Variants in HERC6 observed in about 807,000 individuals in gnomAD.
HERC6 encodes probable E3 ubiquitin-protein ligase HERC6.
A neutral mutation model predicts 114.5 loss-of-function variants in HERC6; 101 were observed. That is an observed-to-expected ratio of 0.88 (90% CI 0.75 to 1.04). The LOEUF (loss-of-function observed/expected upper bound fraction) is 1.04, where lower values mean the gene tolerates loss of function less well. Ranked by LOEUF, HERC6 falls within the 50% of genes least tolerant of loss-of-function variation. The pLI is 0.00. For synonymous variants in HERC6, 408 were observed against 436.2 expected, an observed-to-expected ratio of 0.94 and a Z score of 0.81; for missense variants, 1,133 against 1,230.9, an observed-to-expected ratio of 0.92 and a Z score of 1.19.
chr4:88,429,176 A>G (rs1308540692), intron 16 of HERC6, among the ~76,000 whole-genome samples: 2 of 152,120 alleles, frequency 1.3e-5, no homozygotes, highest in Non-Finnish European at 2.9e-5. Context: ...TCTGCTTCCT[A>G]TGTCTTTCAT....
intron 15 of HERC6, among the ~76,000 whole-genome samples, chr4:88,425,754 T>C (rs1478086683): frequency 1.3e-5 from 2 of 152,104 alleles, no homozygotes; most frequent in African/African-American, 4.8e-5. Flanking sequence ...TAAGTATATA[T>C]AATGCCATCC....
rs1208118573 is a variant in HERC6, at chr4:88,390,583, T to C, written c.437-69T>C. ...AAAGCCACAAAAAAGATTTGTAGAA[T>C]TAGTAGTTTCTATTTGAATTTGGTA... On this transcript the variant is annotated intron_variant, in intron 3 of 22. Coordinates refer to ENST00000264346, the MANE Select transcript of HERC6 (RefSeq NM_017912.4). 3.0e-6 allele frequency: 4 copies of C among 1,326,532 alleles called. No homozygotes were observed. The African/African-American group carries it at 4.4e-5, about 15-fold the overall frequency. The allele number at this position is 1,326,532 out of a possible 1,614,324, so 82.2% of individuals were successfully genotyped here.
At chr4:88,401,135 C>A (rs971523767) in intron 8 of HERC6, among the ~76,000 whole-genome samples, 2 of 152,118 alleles carry the variant, frequency 1.3e-5, no homozygotes, top group Admixed American at 1.3e-4. Context: ...ATGCCTGTGA[C>A]AACTCTGAGA....
intron 9 of HERC6, 79 bp downstream of exon 9, chr4:88,405,076 T>C: frequency 6.5e-7 from 1 of 1,534,972 alleles, no homozygotes; most frequent in Non-Finnish European, 8.8e-7. Context: ...ATAGAGGTTT[T>C]GGTTTTGTTG....
intron 8 of HERC6, among the ~76,000 whole-genome samples, chr4:88,403,525 C>T (rs775238882): frequency 1.8e-4 from 27 of 152,246 alleles, no homozygotes; most frequent in Middle Eastern, 3.4e-3. Context: ...GAGGCCGAGG[C>T]GGGTGGATCA....
intron 15 of HERC6, among the ~76,000 whole-genome samples, chr4:88,426,555 C>G (rs761456250): frequency 6.6e-6 from 1 of 152,082 alleles, no homozygotes; most frequent in African/African-American, 2.4e-5. Context: ...TTTCTGCTCA[C>G]TGTAACCTTC....
At chr4:88,380,732 A>G (rs1397398358) in intron 1 of HERC6, among the ~76,000 whole-genome samples, 2 of 150,368 alleles carry the variant, frequency 1.3e-5, no homozygotes, top group Non-Finnish European at 3.0e-5. Flanking sequence ...CATAATAATA[A>G]TAAATATATA....
intron 17 of HERC6, among the ~76,000 whole-genome samples, chr4:88,432,624 G>A (rs1738345040): frequency 6.6e-6 from 1 of 152,046 alleles, no homozygotes; most frequent in Admixed American, 6.5e-5. Flanking sequence ...AGCTACTTGG[G>A]AGGCTGAGGC....
intron 3 of HERC6, among the ~76,000 whole-genome samples, chr4:88,389,627 A>T (rs1167075541): frequency 6.6e-6 from 1 of 152,008 alleles, no homozygotes; most frequent in Non-Finnish European, 1.5e-5. Context: ...AACTGGAGGG[A>T]GAAGAGTGGA....
chr4:88,403,129 TG>T (rs1396994448), intron 8 of HERC6, among the ~76,000 whole-genome samples: 1 of 152,196 alleles, frequency 6.6e-6, no homozygotes, highest in Non-Finnish European at 1.5e-5. Context: ...AACCCCTGTT[TG>T]GGCTATTTGG....
intron 5 of HERC6, among the ~76,000 whole-genome samples, chr4:88,394,210 C>T (rs1468998393): frequency 2.0e-5 from 3 of 152,106 alleles, no homozygotes; most frequent in African/African-American, 7.2e-5. Context: ...TGTGGTGGCT[C>T]ATGCCTATAA....
chr4:88,408,629 T>A lies in HERC6; in HGVS notation c.1368+12T>A. On this transcript the variant is annotated intron_variant, in intron 11 of 22. Coordinates refer to ENST00000264346, the MANE Select transcript of HERC6 (RefSeq NM_017912.4). ...GGATTTCTTCCATGGTAATAGCCAA[T>A]ACTTACTTTAGATATAGAACAAATA... The A allele has an allele frequency of 6.8e-7, 1 of 1,472,480 alleles. No homozygotes were observed. Among genetic ancestry groups the A allele is most frequent in the Non-Finnish European group, 9.4e-7 (1 of 1,069,356 alleles). 91.2% of individuals were successfully genotyped at this position (1,472,480 alleles called of 1,614,324 possible). A position where few individuals can be genotyped will look rare whatever the true frequency, so the allele number is the denominator to read the frequency against.
Position 88,404,921 on chromosome 4 carries a change from A to C in HERC6, c.1138A>C (p.Ser380Arg). Reference sequence around the variant, plus strand: ...TCCCGGGAAAACCCTGCCAGAAATAAGCCGAATTAGCCAGTCCATGGCAGA... The same window carrying C: ...TCCCGGGAAAACCCTGCCAGAAATACGCCGAATTAGCCAGTCCATGGCAGA... ...RAPGKTLPEI[S>R]RISQSMAEKW... Residue 380 changes from serine to arginine, a missense_variant, in exon 9 of 23, where the codon AGC becomes CGC. Physicochemically the swap from Ser to Arg is moderately radical, Grantham distance 110 (BLOSUM62 -1). This residue lies in a region of HERC6 where 735 missense variants were observed against 754.0 expected (regional missense o/e 0.97). Coordinates refer to ENST00000264346, the MANE Select transcript of HERC6 (RefSeq NM_017912.4). 1 of 1,613,924 alleles carries C rather than the reference A, an allele frequency of 6.2e-7. No homozygotes were observed. Among genetic ancestry groups the C allele is most frequent in the Non-Finnish European group, 8.5e-7 (1 of 1,179,792 alleles).
intron 8 of HERC6, chr4:88,398,413 A>G (rs961930039): frequency 2.7e-5 from 11 of 404,460 alleles, no homozygotes; most frequent in Admixed American, 8.9e-5. Flanking sequence ...CCCCCCCACC[A>G]CCACCATTTC....
rs996488754 is a variant in HERC6 at position 88,424,446 on chromosome 4, T to G, written c.1828-149T>G. 2.2e-5 allele frequency: 14 copies of G among 648,004 alleles called. No homozygotes were observed. In the African/African-American group the frequency reaches 2.4e-4, roughly 11 times the overall value. 40.1% of individuals were successfully genotyped at this position (648,004 alleles called of 1,614,324 possible). A position where few individuals can be genotyped will look rare whatever the true frequency, so the allele number is the denominator to read the frequency against. The stretch of plus-strand genomic sequence containing the variant: ...GTGAGCCAAGTTTATGCCCCTGCAC[T>G]CCAGCCTGGGCAATAGAACAAGACT... On this transcript the variant is annotated intron_variant, in intron 14 of 22. Transcript: ENST00000264346.
At chr4:88,404,666 T>C (rs1735724753) in intron 8 of HERC6, among the ~76,000 whole-genome samples, 2 of 152,148 alleles carry the variant, frequency 1.3e-5, no homozygotes, top group South Asian at 4.1e-4. Context: ...TTTTCTTTTT[T>C]AATGATGAAA....
intron 12 of HERC6, among the ~76,000 whole-genome samples, chr4:88,414,951 AT>A (rs1308609976): frequency 1.1e-4 from 16 of 152,094 alleles, no homozygotes; most frequent in African/African-American, 3.4e-4. Context: ...TCTGGTTCAA[AT>A]GCCTCTGACA....
At chr4:88,442,056 C>G (rs1392628615) in intron 22 of HERC6, among the ~76,000 whole-genome samples, 178 bp from the exon 23 acceptor site, 1 of 152,200 alleles carries the variant, frequency 6.6e-6, no homozygotes, top group African/African-American at 2.4e-5. Context: ...ACACCATGAA[C>G]TCATTGAGGA....
intron 4 of HERC6, among the ~76,000 whole-genome samples, chr4:88,391,798 C>T (rs1222162477): frequency 6.6e-6 from 1 of 152,222 alleles, no homozygotes; most frequent in East Asian, 1.9e-4. Context: ...ACTCCATCCT[C>T]CTCTATTCAA....
Sources: gnomAD v4.1 joint callset for allele counts (sites outside exome capture counted in the v4.1 genomes callset) on GRCh38, gnomAD v4.1.1 for gene constraint, gnomAD v4.1.1 regional missense constraint, MANE v1.5 for transcripts, NCBI Gene and HGNC (gene_info 2026-07-23, HGNC 2026-07-21) for gene names.